DAB2IP: variants seen among roughly 807,000 people sequenced by gnomAD.
The protein encoded by DAB2IP is disabled homolog 2-interacting protein.
A neutral mutation model predicts 107.2 loss-of-function variants in DAB2IP; 28 were observed. The observed-to-expected ratio is 0.26, with a 90% confidence interval of 0.19 to 0.36. DAB2IP has a LOEUF of 0.36. DAB2IP is among the 10% of genes least tolerant of loss of function. The pLI, the probability that DAB2IP is intolerant of heterozygous loss-of-function variation, is 1.00. For synonymous variants in DAB2IP, 755 were observed against 706.4 expected, an observed-to-expected ratio of 1.07 and a Z score of -1.09; for missense variants, 1,400 against 1,644.7, an observed-to-expected ratio of 0.85 and a Z score of 2.57.
chr9:121,774,363 C>T lies in DAB2IP; in HGVS notation c.3071C>T (p.Pro1024Leu), dbSNP rs145340237. The T allele has an allele frequency of 1.4e-5, 22 of 1,612,764 alleles. 1 individual carries two copies. Among genetic ancestry groups the T allele is most frequent in the South Asian group, 5.5e-5 (5 of 90,770 alleles). ...GACGAGGGCCTGGGCCCAGACCCCC[C>T]CCACAGGGATAGGCTAAGGAGTAAG... The change falls in exon 13 of 16, where the codon CCC becomes CTC. Residue 1024 changes from proline to leucine, a missense_variant. Pro to Leu is a moderately conservative substitution (Grantham distance 98). Around this residue, in one of 3 missense-constraint regions of DAB2IP, gnomAD observed 600 missense variants for 659.1 expected, o/e 0.91. Coordinates refer to ENST00000408936, the Ensembl canonical transcript of DAB2IP.
In DAB2IP at chr9:121,651,883, G is replaced by C; in HGVS notation, c.108G>C (p.Arg36=). 7.0e-7 allele frequency: 1 copy of C among 1,426,484 alleles called. No individual in the cohort carries two copies. Among genetic ancestry groups the C allele is most frequent in the Non-Finnish European group, 9.2e-7 (1 of 1,084,364 alleles). The allele number at this position is 1,426,484 out of a possible 1,614,324, so 88.4% of individuals were successfully genotyped here. The change falls in exon 1 of 16, where the codon CGG becomes CGC. Residue 36 remains arginine (R), a synonymous_variant. Transcript: ENST00000408936. This position sits in a 1 kb window ranked among gnomAD's most constrained non-coding sequence, Gnocchi z 5.1. ...GACAGAGGAGCCGCTCCCGCAGCCG[G>C]ACCCGGCCTGCCAGGGGTAGGCGCC...
chr9:121,750,334 T>C (rs1833024014), intron 3 of DAB2IP, among the ~76,000 whole-genome samples: 2 of 152,164 alleles, frequency 1.3e-5, no homozygotes, highest in African/African-American at 4.8e-5. Flanking sequence ...CGCGCGCGTG[T>C]GTGTGTGTGT....
intron 3 of DAB2IP, among the ~76,000 whole-genome samples, chr9:121,739,157 T>C (rs1227196459): frequency 1.3e-5 from 2 of 152,224 alleles, no homozygotes; most frequent in East Asian, 3.8e-4. Context: ...GGACCTGTTG[T>C]AGATGGAGCA....
chr9:121,644,270 G>A (rs1832460883), intron 1 of DAB2IP, among the ~76,000 whole-genome samples: 1 of 151,386 alleles, frequency 6.6e-6, no homozygotes, highest in African/African-American at 2.4e-5. Context: ...AAGGAGGGAA[G>A]GAAGGAAAGA....
intron 3 of DAB2IP, among the ~76,000 whole-genome samples, chr9:121,753,494 C>T (rs2118942739): frequency 6.6e-6 from 1 of 152,326 alleles, no homozygotes; most frequent in Non-Finnish European, 1.5e-5. Flanking sequence ...GGCAGAAGCC[C>T]TGAATACAGG....
At chr9:121,632,047 G>C (rs1831909225) in intron 1 of DAB2IP, among the ~76,000 whole-genome samples, 1 of 152,086 alleles carries the variant, frequency 6.6e-6, no homozygotes, top group South Asian at 2.1e-4. Context: ...GGGTCCTCGT[G>C]GGGAGAGACA....
rs144024676 is a variant in DAB2IP, at chr9:121,707,797, G to A, written c.362+8339G>A. On this transcript the variant is annotated intron_variant, in intron 3 of 15. Coordinates refer to ENST00000408936, the Ensembl canonical transcript of DAB2IP. ...TGCAGATTGTTAGCAGGTGAAGGAT[G>A]TGTGAGCCTCAACAATTACTGTTTC... Among the ~76,000 whole-genome samples, 345 of 152,332 alleles carry A rather than the reference G, an allele frequency of 2.3e-3. 2 individuals carry two copies. Among genetic ancestry groups the A allele is most frequent in the African/African-American group, 8.1e-3 (336 of 41,574 alleles).
chr9:121,726,914 C>T (rs1831265143), intron 3 of DAB2IP, among the ~76,000 whole-genome samples: 1 of 152,298 alleles, frequency 6.6e-6, no homozygotes, highest in East Asian at 1.9e-4. Context: ...GGAACTGGTG[C>T]CAAGGCCAGC....
Position 121,699,040 on chromosome 9 carries a change from C to A in DAB2IP, c.229-285C>A, listed in dbSNP as rs1336587369. Among the ~76,000 whole-genome samples, 1 of 150,496 alleles carries A rather than the reference C, an allele frequency of 6.6e-6. No individual in the cohort carries two copies. Among genetic ancestry groups the A allele is most frequent in the Non-Finnish European group, 1.5e-5 (1 of 67,504 alleles). On this transcript the variant is annotated intron_variant, in intron 2 of 15. Transcript: ENST00000408936. This position sits in a 1 kb window ranked among gnomAD's most constrained non-coding sequence, Gnocchi z 6.2. ...CCCGGGGGGCTCGGGCAGCCTCGGC[C>A]GCGGTCGGCGCGGCTCGGCTCGGCG...
At position 121,776,048 on chromosome 9, in the gene DAB2IP, G is replaced by A. The variant is rs1835175677; in HGVS notation, c.3121-150G>A. The A allele has an allele frequency of 2.2e-6, 2 of 907,502 alleles. No individual in the cohort carries two copies. The highest frequency in any genetic ancestry group is 2.9e-5 in the Admixed American group (1 of 34,770). 56.2% of individuals were successfully genotyped at this position (907,502 alleles called of 1,614,324 possible). On this transcript the variant is annotated intron_variant, in intron 13 of 15. Transcript: ENST00000408936. The surrounding 1 kb of genome is among the most constrained non-coding windows in gnomAD (Gnocchi z 5.4). ...GCAGCCCCCACCAGCTGGGCTCCTT[G>A]GGCATCTCCTTGCTATGTGAAGTGG... is the stretch of plus-strand genomic sequence containing the variant.
At chr9:121,576,156 C>A (rs1830052485) in intron 1 of DAB2IP, 1 of 152,168 alleles carries the variant, frequency 6.6e-6, no homozygotes, top group Non-Finnish European at 1.5e-5. Flanking sequence ...TCGTGCACAG[C>A]CAGAAGGGGC....
chr9:121,783,642 C>G (rs376335723), exon 16 of DAB2IP: 638 of 1,474,900 alleles, frequency 4.3e-4, no homozygotes, highest in Non-Finnish European at 5.4e-4. Flanking sequence ...GGATGTTAGA[C>G]TTGCTCCCTC....
intron 1 of DAB2IP, among the ~76,000 whole-genome samples, chr9:121,671,402 C>T (rs12000723): frequency 0.27 from 40,344 of 152,056 alleles, 5,434 homozygotes; most frequent in African/African-American, 0.34. Context: ...GGATGATTTC[C>T]CATCTCAAAA....
At chr9:121,768,676 T>G (rs775160909) in intron 10 of DAB2IP, 43 bp downstream of exon 10, 1 of 1,607,470 alleles carries the variant, frequency 6.2e-7, no homozygotes, top group Non-Finnish European at 8.5e-7. Context: ...AAAGCTGCCA[T>G]CAGGCTTTTA....
At chr9:121,734,399 A>G (rs1364811755) in intron 3 of DAB2IP, among the ~76,000 whole-genome samples, 1 of 152,132 alleles carries the variant, frequency 6.6e-6, no homozygotes, top group Non-Finnish European at 1.5e-5. Flanking sequence ...AAAAAAAAAA[A>G]AAGATGTTGC....
chr9:121,640,770 C>G (rs1337186728), intron 1 of DAB2IP, among the ~76,000 whole-genome samples: 2 of 152,196 alleles, frequency 1.3e-5, no homozygotes, highest in Non-Finnish European at 2.9e-5. Context: ...GGGGTGGGGC[C>G]AGTCCTGAGC....
chr9:121,647,851 T>C (rs1163752935), upstream of DAB2IP, among the ~76,000 whole-genome samples: 1 of 149,276 alleles, frequency 6.7e-6, no homozygotes, highest in African/African-American at 2.4e-5. Context: ...ATTATATATA[T>C]ACATACATAT....
At chr9:121,745,023 C>T (rs1564194878) in intron 3 of DAB2IP, among the ~76,000 whole-genome samples, 1 of 152,182 alleles carries the variant, frequency 6.6e-6, no homozygotes, top group African/African-American at 2.4e-5. Flanking sequence ...ATGTTGCTTT[C>T]TCAGTTGGAA....
intron 1 of DAB2IP, among the ~76,000 whole-genome samples, chr9:121,640,757 C>T (rs900088493): frequency 2.0e-5 from 3 of 152,164 alleles, no homozygotes; most frequent in Non-Finnish European, 4.4e-5. Context: ...AGGCCTACGG[C>T]GTGGGGTGGG....
Sources: allele counts gnomAD v4.1 joint callset (sites outside exome capture counted in the v4.1 genomes callset), GRCh38; gene constraint gnomAD v4.1.1; regional missense constraint gnomAD v4.1.1; non-coding constraint Gnocchi (gnomAD v3.1); transcripts MANE v1.5; gene names NCBI Gene and HGNC (gene_info 2026-07-23, HGNC 2026-07-21).